Variants in DNAH5 observed in about 807,000 individuals in gnomAD.
DNAH5 encodes dynein axonemal heavy chain 5, also known as axonemal beta dynein heavy chain 5.
In DNAH5, 372 loss-of-function variants were observed where a neutral mutation model predicts 518.2. The observed-to-expected ratio is 0.72, with a 90% CI of 0.66 to 0.78. The LOEUF is 0.78. DNAH5 is among the 30% of genes least tolerant of loss of function. The pLI, the probability that DNAH5 is intolerant of heterozygous loss-of-function variation, is 0.00. For synonymous variants in DNAH5, 2,039 were observed against 2,025.9 expected, an observed-to-expected ratio of 1.01 and a Z score of -0.17; for missense variants, 5,523 against 5,687.0, an observed-to-expected ratio of 0.97 and a Z score of 0.93.
intron 31 of DNAH5, among the ~76,000 whole-genome samples, chr5:13,846,172 G>T (rs1226819295): frequency 3.3e-5 from 5 of 151,840 alleles, no homozygotes; most frequent in African/African-American, 1.2e-4. Flanking sequence ...GGGTTCATGT[G>T]CAGGTTTGTT....
chr5:13,871,650 G>A lies in DNAH5; in HGVS notation c.3512C>T (p.Ser1171Phe). Residue 1171 changes from serine (S) to phenylalanine (F), a missense_variant, in exon 23 of 79, where the codon TCC (serine) becomes TTC (phenylalanine). This residue lies in a region of DNAH5 where 5,121 missense variants were observed against 5,223.3 expected (regional missense o/e 0.98). Coordinates refer to ENST00000265104, the MANE Select transcript of DNAH5 (RefSeq NM_001369.3). ...TQSPLLSEFE[S>F]QILYFQNLEQ... ...TAGGTTTTGGAAATAGAGAATCTGG[G>A]ACTCAAATTCAGAAAGCAAGGGGCT... The A allele has an allele frequency of 1.9e-6, 3 of 1,613,730 alleles. No homozygotes were observed. Among genetic ancestry groups the A allele is most frequent in the Middle Eastern group, 1.7e-4 (1 of 6,060 alleles).
rs369053509 is a variant in DNAH5, at chr5:13,775,972, C to CAA, written c.9373+465_9373+466dup. Among the ~76,000 whole-genome samples the CAA allele has an allele frequency of 4.7e-3, 503 of 106,602 alleles. 4 individuals carry two copies. The highest frequency in any genetic ancestry group is 0.015 in the African/African-American group (473 of 31,126). The allele number at this position is 106,602 out of a possible 152,430, so 69.9% of individuals were successfully genotyped here. ...CAGACAATTTCTCACCAAAAGCTTTCAAAAAAAAAAAAAAAAAGCTAAATG... is the reference window on the plus strand; with the variant it reads ...CAGACAATTTCTCACCAAAAGCTTTCAAAAAAAAAAAAAAAAAAAGCTAAATG... On this transcript the variant is annotated intron_variant, in intron 55 of 78. Transcript: ENST00000265104.
intron 1 of DNAH5, among the ~76,000 whole-genome samples, chr5:13,941,739 C>T (rs1333680420): frequency 6.6e-6 from 1 of 152,198 alleles, no homozygotes; most frequent in Admixed American, 6.5e-5. Context: ...AGAAAACCTG[C>T]AGCAATCTGA....
At chr5:13,923,782 G>A (rs1339596938) in intron 3 of DNAH5, among the ~76,000 whole-genome samples, 5 of 152,144 alleles carry the variant, frequency 3.3e-5, no homozygotes, top group South Asian at 2.1e-4. Context: ...GGTGGCTCAC[G>A]CCTATAATCC....
At chr5:13,940,029 G>T (rs980681117) in intron 1 of DNAH5, among the ~76,000 whole-genome samples, 3 of 152,044 alleles carry the variant, frequency 2.0e-5, no homozygotes, top group Non-Finnish European at 4.4e-5. Flanking sequence ...AGTTCCCAAG[G>T]CCTCTAGCTC....
chr5:13,871,893 T>A (rs980935915), intron 22 of DNAH5, 128 bp from the exon 23 acceptor site: 10 of 855,720 alleles, frequency 1.2e-5, no homozygotes, highest in Non-Finnish European at 1.7e-5. Flanking sequence ...TGTGTGATTA[T>A]CTGGAAATGC....
Position 13,761,070 on chromosome 5 carries a change from G to T in DNAH5, c.10281+1652C>A, listed in dbSNP as rs533780561. Among the ~76,000 whole-genome samples, 3 of 152,300 alleles carry T rather than the reference G, an allele frequency of 2.0e-5. No individual in the cohort carries two copies. In the East Asian group the frequency reaches 5.8e-4, roughly 29 times the overall value. On this transcript the variant is annotated intron_variant, in intron 60 of 78. Transcript: ENST00000265104. ...ACAGGTTGTAGGAGTAAATAAAAAG[G>T]TTCCCACTACTGATAGTGTTCCCTT... is the stretch of plus-strand genomic sequence containing the variant.
chr5:13,834,121 TG>T (rs1764053238), intron 35 of DNAH5, among the ~76,000 whole-genome samples: 1 of 152,232 alleles, frequency 6.6e-6, no homozygotes, highest in Non-Finnish European at 1.5e-5. Flanking sequence ...ATAATCAAGT[TG>T]GTTAAAGAAA....
intron 30 of DNAH5, 106 bp downstream of exon 30, chr5:13,859,346 A>G (rs1408613823): frequency 6.6e-6 from 8 of 1,205,838 alleles, no homozygotes; most frequent in Non-Finnish European, 9.8e-6. Context: ...AGATTGAAGG[A>G]AGGGGGTTCA....
At chr5:13,876,643 T>C in intron 22 of DNAH5, 41 bp downstream of exon 22, 1 of 1,607,402 alleles carries the variant, frequency 6.2e-7, no homozygotes, top group Non-Finnish European at 8.5e-7. Flanking sequence ...AAGTGCATGT[T>C]GCAAAGCAAA....
At chr5:13,914,790 T>A in intron 9 of DNAH5, 148 bp from the exon 10 acceptor site, 1 of 777,212 alleles carries the variant, frequency 1.3e-6, no homozygotes, top group Non-Finnish European at 2.1e-6. Context: ...ACAGTTATAA[T>A]CCACCAATAA....
chr5:13,744,493 G>A (rs1749059932), intron 65 of DNAH5, among the ~76,000 whole-genome samples: 1 of 151,976 alleles, frequency 6.6e-6, no homozygotes, highest in African/African-American at 2.4e-5. Flanking sequence ...AATATTGAAT[G>A]TTCCCAACAT....
At chr5:13,995,463 G>A (rs923279886) in intron 1 of DNAH5, among the ~76,000 whole-genome samples, 18 of 152,228 alleles carry the variant, frequency 1.2e-4, no homozygotes, top group Middle Eastern at 3.4e-3. Context: ...ACTGCATCTC[G>A]ATTTAGTGGG....
chr5:13,967,253 A>C (rs1380911877), intron 1 of DNAH5, among the ~76,000 whole-genome samples: 3 of 152,214 alleles, frequency 2.0e-5, no homozygotes, highest in African/African-American at 4.8e-5. Context: ...TCTTTGCCTA[A>C]GCCAATGTCA....
intron 24 of DNAH5, 50 bp downstream of exon 24, chr5:13,870,717 C>A (rs746142901): frequency 1.3e-6 from 2 of 1,483,024 alleles, no homozygotes; most frequent in African/African-American, 1.4e-5. Flanking sequence ...CAGCTAATAG[C>A]ATCCAACATG....
At chr5:13,741,553 A>T (rs1748544040) in intron 65 of DNAH5, among the ~76,000 whole-genome samples, 1 of 152,222 alleles carries the variant, frequency 6.6e-6, no homozygotes, top group South Asian at 2.1e-4. Context: ...AACAAGTGAC[A>T]TTTAATGGCT....
intron 50 of DNAH5, among the ~76,000 whole-genome samples, chr5:13,790,490 A>C (rs1253113754): frequency 6.6e-6 from 1 of 152,164 alleles, no homozygotes; most frequent in African/African-American, 2.4e-5. Context: ...CCCAAATCTC[A>C]TCTGGAATTG....
At chr5:13,986,901 C>T (rs887484134) in intron 1 of DNAH5, among the ~76,000 whole-genome samples, 1 of 152,202 alleles carries the variant, frequency 6.6e-6, no homozygotes, top group Non-Finnish European at 1.5e-5. Context: ...GCATGCCTCT[C>T]GCCACCTGTC....
At chr5:13,834,237 T>TA (rs5866070) in intron 35 of DNAH5, among the ~76,000 whole-genome samples, 9 of 151,692 alleles carry the variant, frequency 5.9e-5, no homozygotes, top group Non-Finnish European at 1.3e-4. Flanking sequence ...TTTTTTAATA[T>TA]AAAAAAAATA....
Sources: gnomAD v4.1 joint callset for allele counts (sites outside exome capture counted in the v4.1 genomes callset) on GRCh38, gnomAD v4.1.1 for gene constraint, gnomAD v4.1.1 regional missense constraint, MANE v1.5 for transcripts, NCBI Gene and HGNC (gene_info 2026-07-23, HGNC 2026-07-21) for gene names.